SYNPR: variants seen among roughly 807,000 people sequenced by gnomAD.
SYNPR encodes synaptoporin.
A neutral mutation model predicts 32.9 loss-of-function variants in SYNPR; 23 were observed. The observed-to-expected ratio is 0.70, with a 90% CI of 0.50 to 0.99. The LOEUF (loss-of-function observed/expected upper bound fraction) is 0.99, where lower values mean the gene tolerates loss of function less well. SYNPR is among the 50% of genes least tolerant of loss of function. The probability of loss-of-function intolerance (pLI) is 0.00; values close to 1 mark genes in which losing one functional copy is unlikely to be tolerated. For missense variants in SYNPR, 318 were observed against 349.3 expected (o/e 0.91, Z 0.71); for synonymous variants, 146 against 135.9 (o/e 1.07, Z -0.52).
At chr3:63,444,563 T>A (rs890288636) in intron 2 of SYNPR, among the ~76,000 whole-genome samples, 7 of 152,164 alleles carry the variant, frequency 4.6e-5, no homozygotes, top group African/African-American at 1.4e-4. Flanking sequence ...CTATACATTT[T>A]TCAGAGATTT....
In SYNPR at chr3:63,469,547, C is replaced by G. The variant is rs1481463092; in HGVS notation, c.85-11285C>G. 2.0e-5 allele frequency among the ~76,000 whole-genome samples: 3 copies of G among 152,184 alleles called. No homozygotes were observed. The East Asian group carries it at 5.8e-4, about 29-fold the overall frequency. The stretch of plus-strand genomic sequence containing the variant: ...AGGCAAGAAATTAATTCAGAAGACT[C>G]TCTCTAATCAGGTGTCAGAGAAATG... On this transcript the variant is annotated intron_variant, in intron 2 of 5. Transcript: ENST00000478300.
At chr3:63,339,498 C>T (rs904486886) in intron 2 of SYNPR, among the ~76,000 whole-genome samples, 1 of 152,112 alleles carries the variant, frequency 6.6e-6, no homozygotes, top group African/African-American at 2.4e-5. Flanking sequence ...AGATAATGAC[C>T]TTGACACAAT....
intron 5 of SYNPR, among the ~76,000 whole-genome samples, chr3:63,614,815 A>C (rs1700253722): frequency 6.6e-6 from 1 of 152,204 alleles, no homozygotes; most frequent in African/African-American, 2.4e-5. Flanking sequence ...CTTACACACC[A>C]TGAAGGATAC....
chr3:63,425,535 C>A (rs1203946880), intron 2 of SYNPR, among the ~76,000 whole-genome samples: 8 of 152,110 alleles, frequency 5.3e-5, no homozygotes, highest in Admixed American at 2.0e-4. Flanking sequence ...ATTAAGATAC[C>A]ATTTTTGAGC....
At chr3:63,560,803 G>T (rs75701613) in intron 4 of SYNPR, among the ~76,000 whole-genome samples, 5 of 151,902 alleles carry the variant, frequency 3.3e-5, no homozygotes, top group African/African-American at 4.8e-5. Context: ...AGAACAGCAG[G>T]GGGGGAACCA....
At chr3:63,561,223 G>C (rs900490128) in intron 4 of SYNPR, among the ~76,000 whole-genome samples, 1 of 152,176 alleles carries the variant, frequency 6.6e-6, no homozygotes, top group South Asian at 2.1e-4. Flanking sequence ...TTGTAGGGAA[G>C]TGACAAGGAC....
intron 4 of SYNPR, among the ~76,000 whole-genome samples, chr3:63,566,918 T>C (rs1264160780): frequency 6.6e-6 from 1 of 152,220 alleles, no homozygotes; most frequent in Admixed American, 6.5e-5. Context: ...CTGCTTTCTC[T>C]GTAACTGGTG....
At chr3:63,515,332 C>T (rs1298329554) in intron 3 of SYNPR, among the ~76,000 whole-genome samples, 1 of 152,048 alleles carries the variant, frequency 6.6e-6, no homozygotes, top group Non-Finnish European at 1.5e-5. Flanking sequence ...TTAAATCTCC[C>T]ACTCTTGTAA....
intron 2 of SYNPR, among the ~76,000 whole-genome samples, chr3:63,437,638 G>T (rs1235857980): frequency 1.3e-5 from 2 of 150,922 alleles, no homozygotes; most frequent in Non-Finnish European, 3.0e-5. Context: ...GGAAGTGAAG[G>T]GAGGTAGGGA....
Position 63,615,367 on chromosome 3 carries a change from C to G in SYNPR, c.744C>G (p.Asn248Lys), listed in dbSNP as rs775539606. 6.2e-7 allele frequency: 1 copy of G among 1,613,920 alleles called. No homozygotes were observed. The highest frequency in any genetic ancestry group is 1.1e-5 in the South Asian group (1 of 91,054). ...GCAGCTATAATCAAGGTGGTTACAA[C>G]CAAGACAGCTATGGATCAAGCAGTG... is the stretch of plus-strand genomic sequence containing the variant. ...HSSSYNQGGY[N>K]QDSYGSSSGY... is the part of the protein sequence containing the mutation. The change falls in exon 6 of 6, where the codon AAC becomes AAG. Residue 248 changes from asparagine to lysine, a missense_variant. By Grantham distance (94) the Asn-to-Lys change is moderately conservative. Transcript: ENST00000478300.
chr3:63,338,637 A>G (rs944033435), intron 2 of SYNPR, among the ~76,000 whole-genome samples: 1 of 152,218 alleles, frequency 6.6e-6, no homozygotes, highest in African/African-American at 2.4e-5. Context: ...GTATTAGGTC[A>G]TGTTATTCAT....
chr3:63,276,670 T>C (rs1164708299), upstream of SYNPR, among the ~76,000 whole-genome samples: 2 of 126,004 alleles, frequency 1.6e-5, no homozygotes, highest in Non-Finnish European at 3.2e-5. Flanking sequence ...TTGAAACAAC[T>C]GTTTCTAATT....
At chr3:63,452,742 T>G (rs191275883) in intron 2 of SYNPR, among the ~76,000 whole-genome samples, 80 of 152,298 alleles carry the variant, frequency 5.3e-4, no homozygotes, top group African/African-American at 1.8e-3. Context: ...ATGGTGACTC[T>G]GAGAGTATAG....
chr3:63,546,294 G>A (rs1702400960), intron 3 of SYNPR, among the ~76,000 whole-genome samples: 1 of 152,008 alleles, frequency 6.6e-6, no homozygotes, highest in African/African-American at 2.4e-5. Context: ...ATCATACCTT[G>A]GCCTTTGCAA....
At chr3:63,385,045 C>T (rs560372811) in intron 2 of SYNPR, among the ~76,000 whole-genome samples, 1 of 152,194 alleles carries the variant, frequency 6.6e-6, no homozygotes, top group African/African-American at 2.4e-5. Context: ...GTTTTATGAC[C>T]TAATACAAAC....
chr3:63,541,974 G>A (rs904152656), intron 3 of SYNPR, among the ~76,000 whole-genome samples: 6 of 152,114 alleles, frequency 3.9e-5, no homozygotes, highest in Non-Finnish European at 8.8e-5. Context: ...TGAGGTGCCA[G>A]TGGGTATTTC....
chr3:63,443,602 C>T, intron 2 of SYNPR: 1 of 1,030,422 alleles, frequency 9.7e-7, no homozygotes. Context: ...GTAATAATCT[C>T]TATTTTTCTT....
chr3:63,557,256 AG>A (rs1172102811), intron 4 of SYNPR, among the ~76,000 whole-genome samples: 1 of 152,170 alleles, frequency 6.6e-6, no homozygotes, highest in East Asian at 1.9e-4. Context: ...ACATACACCT[AG>A]GGGGACACAA....
chr3:63,416,549 A>C (rs1002800663), intron 2 of SYNPR, among the ~76,000 whole-genome samples: 2 of 147,966 alleles, frequency 1.4e-5, no homozygotes, highest in Non-Finnish European at 3.0e-5. Flanking sequence ...AAAAAAAAAA[A>C]AAACCAAAAA....
Sources: gnomAD v4.1 joint callset for allele counts (sites outside exome capture counted in the v4.1 genomes callset) on GRCh38, gnomAD v4.1.1 for gene constraint, MANE v1.5 for transcripts, NCBI Gene and HGNC (gene_info 2026-07-23, HGNC 2026-07-21) for gene names.